The following TNPO1 variants were observed in gnomAD, a reference collection of about 807,000 sequenced individuals.
TNPO1 encodes the protein transportin 1.
In TNPO1, 8 loss-of-function variants were observed where a neutral mutation model predicts 119.5. That is an observed-to-expected ratio of 0.07 (90% confidence interval 0.04 to 0.12). TNPO1 has a LOEUF of 0.12. Among genes scored for constraint, TNPO1 ranks in the 10% least tolerant of loss-of-function variants. The pLI, the probability that TNPO1 is intolerant of heterozygous loss-of-function variation, is 1.00. For synonymous variants in TNPO1, 362 were observed against 363.0 expected (o/e 1.00, Z 0.03); for missense variants, 576 against 1,089.8 (o/e 0.53, Z 6.64).
chr5:72,843,839 C>T (rs1745018586), intron 1 of TNPO1, among the ~76,000 whole-genome samples: 1 of 152,146 alleles, frequency 6.6e-6, no homozygotes, highest in African/African-American at 2.4e-5. Context: ...GCATCTCTGT[C>T]TCCTGGTGGA....
At chr5:72,895,407 T>C (rs939236452) in intron 18 of TNPO1, among the ~76,000 whole-genome samples, 2 of 151,886 alleles carry the variant, frequency 1.3e-5, no homozygotes, top group African/African-American at 4.8e-5. Context: ...TTAGTGGTTC[T>C]CAACTAGGGG....
chr5:72,893,042 C>T, intron 15 of TNPO1, 97 bp from the exon 16 acceptor site: 1 of 889,280 alleles, frequency 1.1e-6, no homozygotes, highest in South Asian at 1.6e-5. Context: ...AGAGCAAGCT[C>T]ATAAATGATC....
chr5:72,845,767 C>T (rs1468810121), intron 1 of TNPO1, among the ~76,000 whole-genome samples: 1 of 152,098 alleles, frequency 6.6e-6, no homozygotes, highest in African/African-American at 2.4e-5. Flanking sequence ...AGGAAGCATG[C>T]TATTGGCCTG....
intron 22 of TNPO1, among the ~76,000 whole-genome samples, chr5:72,901,908 C>T (rs1398186442): frequency 6.6e-6 from 1 of 152,058 alleles, no homozygotes; most frequent in African/African-American, 2.4e-5. Context: ...GAAACCCCAT[C>T]TCTACTTCAG....
In TNPO1 at chr5:72,905,443, G is replaced by A. The variant is rs1579947131; in HGVS notation, c.*33G>A. 1 of 1,478,334 alleles carries A rather than the reference G, an allele frequency of 6.8e-7. No individual in the cohort carries two copies. The highest frequency in any genetic ancestry group is 1.4e-5 in the African/African-American group (1 of 70,396). The allele number at this position is 1,478,334 out of a possible 1,614,324, so 91.6% of individuals were successfully genotyped here. On this transcript the variant is annotated splice_region_variant and 3_prime_UTR_variant, in exon 24 of 25. Transcript: ENST00000337273. Reference sequence around the variant, plus strand: ...CACTTAAGCTGCAGTCCCAAAATTAGGGGTAAGTTATAAGAAGTTTGGAAA... The same window carrying A: ...CACTTAAGCTGCAGTCCCAAAATTAAGGGTAAGTTATAAGAAGTTTGGAAA...
At chr5:72,890,698 TC>T (rs1227004268) in intron 14 of TNPO1, among the ~76,000 whole-genome samples, 24 of 152,352 alleles carry the variant, frequency 1.6e-4, no homozygotes, top group African/African-American at 5.8e-4. Flanking sequence ...GTTTACATGA[TC>T]ACTATGTTTA....
At chr5:72,861,997 G>A in intron 5 of TNPO1, 83 bp downstream of exon 5, 2 of 987,046 alleles carry the variant, frequency 2.0e-6, no homozygotes, top group Non-Finnish European at 1.6e-6. Flanking sequence ...GGGAAAAATA[G>A]TTCCTCTGAA....
chr5:72,862,992 TTG>T (rs71614493), intron 5 of TNPO1, among the ~76,000 whole-genome samples: 43,897 of 144,610 alleles, frequency 0.3, 6,650 homozygotes, highest in Non-Finnish European at 0.36. Context: ...CTGTGGGTTT[TTG>T]TGTGTGTGTG....
At position 72,864,132 on chromosome 5, in the gene TNPO1, C is replaced by CTT. The variant is rs576375299; in HGVS notation, c.463-1459_463-1458dup. Among the ~76,000 whole-genome samples the CTT allele has an allele frequency of 2.1e-3, 315 of 151,188 alleles. 1 individual carries two copies. The Middle Eastern group carries it at 0.024, about 12-fold the overall frequency. On this transcript the variant is annotated intron_variant, in intron 5 of 24. Transcript: ENST00000337273. ...ATGTAATAGGCTTTCAGAAGTAAAG[C>CTT]TTTTTTAAAAAAAAAACCTTAACAA... is the stretch of plus-strand genomic sequence containing the variant.
At chr5:72,852,543 C>T (rs1745665647) in intron 3 of TNPO1, among the ~76,000 whole-genome samples, 1 of 152,160 alleles carries the variant, frequency 6.6e-6, no homozygotes, top group South Asian at 2.1e-4. Context: ...GTACCCTATT[C>T]AGTGATTAGT....
At chr5:72,898,364 C>T (rs541219518) in intron 20 of TNPO1, among the ~76,000 whole-genome samples, 2 of 152,020 alleles carry the variant, frequency 1.3e-5, no homozygotes, top group South Asian at 2.1e-4. Flanking sequence ...AACAAATTGG[C>T]TTTATTTATA....
chr5:72,862,626 T>G (rs1214058824), intron 5 of TNPO1, among the ~76,000 whole-genome samples: 1 of 151,796 alleles, frequency 6.6e-6, no homozygotes, highest in Non-Finnish European at 1.5e-5. Flanking sequence ...TGCACTTCAC[T>G]AAACTTGTCT....
intron 4 of TNPO1, among the ~76,000 whole-genome samples, chr5:72,860,632 C>T (rs1394551154): frequency 6.6e-6 from 1 of 152,168 alleles, no homozygotes; most frequent in African/African-American, 2.4e-5. Flanking sequence ...ATTCTTGATC[C>T]AGTAAGTGGG....
intron 1 of TNPO1, among the ~76,000 whole-genome samples, chr5:72,835,555 T>C (rs1248114923): frequency 6.6e-6 from 1 of 152,122 alleles, no homozygotes; most frequent in Non-Finnish European, 1.5e-5. Flanking sequence ...CTTAAGCCAT[T>C]TGATAAGGGT....
chr5:72,893,795 G>C, intron 18 of TNPO1, 92 bp downstream of exon 18: 1 of 1,161,716 alleles, frequency 8.6e-7, no homozygotes, highest in South Asian at 1.3e-5. Context: ...AAATTGCATG[G>C]AATCCCAACA....
At chr5:72,820,444 G>A (rs913518803) in intron 1 of TNPO1, among the ~76,000 whole-genome samples, 1 of 152,132 alleles carries the variant, frequency 6.6e-6, no homozygotes, top group African/African-American at 2.4e-5. Flanking sequence ...GGGATTGGAG[G>A]AATAGAGAGT....
chr5:72,870,158 C>CTTTTTTTTTTT, intron 6 of TNPO1, among the ~76,000 whole-genome samples: 1 of 106,174 alleles, frequency 9.4e-6, no homozygotes, highest in Non-Finnish European at 1.8e-5. Context: ...ATACTAATTG[C>CTTTTTTTTTTT]TTTTTTTTTT....
intron 22 of TNPO1, among the ~76,000 whole-genome samples, chr5:72,902,777 G>T (rs1749887575): frequency 6.6e-6 from 1 of 151,876 alleles, no homozygotes; most frequent in African/African-American, 2.4e-5. Flanking sequence ...AAATGTCATA[G>T]GTTTATTTAC....
intron 11 of TNPO1, 40 bp from the exon 12 acceptor site, chr5:72,887,030 A>T (rs4704045): frequency 3.2e-6 from 5 of 1,549,318 alleles, no homozygotes; most frequent in Non-Finnish European, 4.4e-6. Flanking sequence ...ATAAGTAATA[A>T]GAGGTTAATG....
Sources: gnomAD v4.1 joint callset for allele counts (sites outside exome capture counted in the v4.1 genomes callset) on GRCh38, gnomAD v4.1.1 for gene constraint, MANE v1.5 for transcripts, NCBI Gene and HGNC (gene_info 2026-07-23, HGNC 2026-07-21) for gene names.